Variants in DLG2 observed in about 807,000 individuals in gnomAD.
DLG2 encodes the protein discs large MAGUK scaffold protein 2.
DLG2 carries 45 observed loss-of-function variants against 132.5 expected under a neutral mutation model. That is an observed-to-expected ratio of 0.34 (90% confidence interval 0.27 to 0.44). The LOEUF (loss-of-function observed/expected upper bound fraction) is 0.44, where lower values mean the gene tolerates loss of function less well. DLG2 is among the 20% of genes least tolerant of loss of function. DLG2 has a pLI of 1.00. For missense variants in DLG2, 1,045 were observed against 1,196.9 expected (o/e 0.87, Z 1.87); for synonymous variants, 424 against 419.6 (o/e 1.01, Z -0.13).
chr11:84,057,674 A>G (rs1050925758), intron 11 of DLG2, among the ~76,000 whole-genome samples: 12 of 152,344 alleles, frequency 7.9e-5, no homozygotes, highest in Middle Eastern at 3.4e-3. Flanking sequence ...ATAATAGTAC[A>G]GATAACATGC....
chr11:85,535,531 T>A (rs2075522583), intron 3 of DLG2, among the ~76,000 whole-genome samples: 1 of 152,212 alleles, frequency 6.6e-6, no homozygotes, highest in Non-Finnish European at 1.5e-5. Flanking sequence ...CATGTATTGC[T>A]GATGGGATTG....
intron 6 of DLG2, among the ~76,000 whole-genome samples, chr11:84,988,201 T>A (rs940519491): frequency 6.6e-6 from 1 of 152,180 alleles, no homozygotes; most frequent in Non-Finnish European, 1.5e-5. Flanking sequence ...GATACCACCT[T>A]ACTCCTGCAA....
At chr11:85,139,268 G>T (rs192190394) in intron 5 of DLG2, among the ~76,000 whole-genome samples, 3 of 152,146 alleles carry the variant, frequency 2.0e-5, no homozygotes, top group Non-Finnish European at 2.9e-5. Flanking sequence ...CCAGTGTTTA[G>T]AACATAACAG....
intron 19 of DLG2, among the ~76,000 whole-genome samples, chr11:83,551,749 T>G (rs2096396183): frequency 6.6e-6 from 1 of 152,166 alleles, no homozygotes; most frequent in Non-Finnish European, 1.5e-5. Context: ...TATGGTTCCT[T>G]ACTCACCCAG....
intron 7 of DLG2, among the ~76,000 whole-genome samples, chr11:84,280,867 A>ATTTTTTTTT (rs35970331): frequency 1.2e-4 from 8 of 67,702 alleles, no homozygotes; most frequent in African/African-American, 1.8e-4. Flanking sequence ...TGCCCAGCCA[A>ATTTTTTTTT]TTTTTTTTTT....
chr11:85,373,087 C>G (rs1236950386), intron 3 of DLG2, among the ~76,000 whole-genome samples: 2 of 152,138 alleles, frequency 1.3e-5, no homozygotes, highest in African/African-American at 2.4e-5. Context: ...GTTAATTTCC[C>G]AAACCTTAAA....
chr11:84,650,465 C>T (rs1441876133), intron 6 of DLG2, among the ~76,000 whole-genome samples: 1 of 152,102 alleles, frequency 6.6e-6, no homozygotes, highest in Non-Finnish European at 1.5e-5. Flanking sequence ...TCATTATTTA[C>T]AGTTAAAAGG....
intron 4 of DLG2, among the ~76,000 whole-genome samples, chr11:85,204,089 G>C (rs1044397699): frequency 6.6e-6 from 1 of 152,004 alleles, no homozygotes; most frequent in East Asian, 1.9e-4. Flanking sequence ...CATACTGAAT[G>C]GGGAAAAATT....
Position 83,771,647 on chromosome 11 carries a change from C to T in DLG2, c.1825+15043G>A, listed in dbSNP as rs925076455. 3.9e-5 allele frequency among the ~76,000 whole-genome samples: 6 copies of T among 152,240 alleles called. 1 individual carries two copies. The highest frequency in any genetic ancestry group is 1.2e-4 in the African/African-American group (5 of 41,550). ...CTAAACATATAAAAAGTACTATAAA[C>T]ATATGGTATTATAATCTTATAAGAC... On this transcript the variant is annotated intron_variant, in intron 18 of 27. Transcript: ENST00000376104.
chr11:84,444,261 T>C (rs1423631014), intron 7 of DLG2, among the ~76,000 whole-genome samples: 1 of 152,104 alleles, frequency 6.6e-6, no homozygotes, highest in East Asian at 1.9e-4. Context: ...GAACAGCTCA[T>C]TGGTGCTGGG....
chr11:85,573,054 C>A (rs1484433292), intron 3 of DLG2, among the ~76,000 whole-genome samples: 1 of 152,120 alleles, frequency 6.6e-6, no homozygotes, highest in Non-Finnish European at 1.5e-5. Flanking sequence ...CCCGTACACT[C>A]TCTCTTGATC....
intron 3 of DLG2, among the ~76,000 whole-genome samples, chr11:85,376,362 G>A (rs2085403365): frequency 6.6e-6 from 1 of 152,104 alleles, no homozygotes; most frequent in African/African-American, 2.4e-5. Flanking sequence ...TCACTATTAT[G>A]TCAATCTCAT....
At chr11:85,104,069 G>T (rs911066013) in intron 6 of DLG2, among the ~76,000 whole-genome samples, 3 of 151,852 alleles carry the variant, frequency 2.0e-5, no homozygotes, top group African/African-American at 7.2e-5. Context: ...ACGAGTGTTT[G>T]TGAAACTGTA....
intron 6 of DLG2, among the ~76,000 whole-genome samples, chr11:84,803,453 G>A (rs955734145): frequency 5.3e-5 from 8 of 152,038 alleles, no homozygotes; most frequent in African/African-American, 1.7e-4. Context: ...TGTTTACTTG[G>A]ACTTTGATAT....
intron 6 of DLG2, among the ~76,000 whole-genome samples, chr11:84,894,808 A>G (rs1035808877): frequency 6.6e-6 from 1 of 152,176 alleles, no homozygotes; most frequent in African/African-American, 2.4e-5. Flanking sequence ...CAGAGATGCT[A>G]AGACCAATCT....
At chr11:84,808,302 A>G (rs1195847420) in intron 6 of DLG2, among the ~76,000 whole-genome samples, 2 of 152,116 alleles carry the variant, frequency 1.3e-5, no homozygotes, top group African/African-American at 4.8e-5. Context: ...TCAGAATACA[A>G]TATATCAACA....
At chr11:85,112,584 C>G (rs368433553) in intron 5 of DLG2, among the ~76,000 whole-genome samples, 1 of 152,018 alleles carries the variant, frequency 6.6e-6, no homozygotes, top group African/African-American at 2.4e-5. Context: ...ATAAAAACCA[C>G]AGCTGTGATT....
chr11:83,613,412 ATTT>A, intron 19 of DLG2, among the ~76,000 whole-genome samples: 1 of 151,612 alleles, frequency 6.6e-6, no homozygotes, highest in African/African-American at 2.4e-5. Context: ...AAAATTAAGA[ATTT>A]CTAATCAGTT....
intron 17 of DLG2, chr11:83,789,974 T>A: frequency 7.4e-7 from 1 of 1,347,348 alleles, no homozygotes; most frequent in Non-Finnish European, 9.6e-7. Context: ...AGTCTTTCAG[T>A]AGTGCTTCTC....
Sources: gnomAD v4.1 joint callset for allele counts (sites outside exome capture counted in the v4.1 genomes callset) on GRCh38, gnomAD v4.1.1 for gene constraint, MANE v1.5 for transcripts, NCBI Gene and HGNC (gene_info 2026-07-23, HGNC 2026-07-21) for gene names.